ANKFY1: variants seen among roughly 807,000 people sequenced by gnomAD.
ANKFY1 encodes ankyrin repeat and FYVE domain-containing protein 1.
ANKFY1 carries 47 observed loss-of-function variants against 128.3 expected under a neutral mutation model. The observed-to-expected ratio is 0.37, with a 90% CI of 0.29 to 0.47. The LOEUF (loss-of-function observed/expected upper bound fraction) is 0.47, where lower values mean the gene tolerates loss of function less well. Among genes scored for constraint, ANKFY1 ranks in the 20% least tolerant of loss-of-function variants. The probability of loss-of-function intolerance (pLI) is 1.00; values close to 1 mark genes in which losing one functional copy is unlikely to be tolerated. For missense variants in ANKFY1, 1,222 were observed against 1,510.6 expected, an observed-to-expected ratio of 0.81 and a Z score of 3.17; for synonymous variants, 553 against 601.6, an observed-to-expected ratio of 0.92 and a Z score of 1.18.
At chr17:4,263,673 C>T in intron 1 of ANKFY1, 4 of 1,531,812 alleles carry the variant, frequency 2.6e-6, no homozygotes. Flanking sequence ...CACGCAGCAC[C>T]GGCGCGGGAC....
At chr17:4,263,462 G>A in intron 1 of ANKFY1, 1 of 1,213,702 alleles carries the variant, frequency 8.2e-7, no homozygotes, top group African/African-American at 1.6e-5. Flanking sequence ...CTGCTGCCTC[G>A]CCCCCACCCC....
chr17:4,242,500 G>A (rs762291655), intron 1 of ANKFY1, 52 bp from the exon 2 acceptor site: 2 of 1,458,990 alleles, frequency 1.4e-6, no homozygotes, highest in Non-Finnish European at 9.1e-7. Context: ...AAAGCAGGTG[G>A]CATTCACTAA....
In ANKFY1 at chr17:4,181,596, A is replaced by C. The variant is rs1240395221; in HGVS notation, c.2122-224T>G. ...CTAGGTCCTGTGGGACAGACTTGGG[A>C]AGTATAAACAAGTTATGTTTAATTT... On this transcript the variant is annotated intron_variant, in intron 15 of 24. Transcript: ENST00000341657. The surrounding 1 kb of genome is among the most constrained non-coding windows in gnomAD (Gnocchi z 4.9). 2.0e-5 allele frequency among the ~76,000 whole-genome samples: 3 copies of C among 152,208 alleles called. No homozygotes were observed. Among genetic ancestry groups the C allele is most frequent in the Non-Finnish European group, 1.5e-5 (1 of 68,032 alleles).
At position 4,174,917 on chromosome 17, in the gene ANKFY1, C is replaced by T. The variant is rs144773916; in HGVS notation, c.2776-861G>A. Reference sequence around the variant, plus strand: ...AAAAAAAAGAAAAATTCTGTAGAGACAACGTCTTGCTATGTTGCCCAGACT... The same window carrying T: ...AAAAAAAAGAAAAATTCTGTAGAGATAACGTCTTGCTATGTTGCCCAGACT... On this transcript the variant is annotated intron_variant, in intron 19 of 24. Coordinates refer to ENST00000341657, the MANE Select transcript of ANKFY1 (RefSeq NM_001330063.2). 3.5e-3 allele frequency among the ~76,000 whole-genome samples: 525 copies of T among 151,984 alleles called. 7 individuals are homozygous for T. The highest frequency in any genetic ancestry group is 0.012 in the African/African-American group (496 of 41,504).
chr17:4,202,469 C>G (rs1411778585), intron 7 of ANKFY1, among the ~76,000 whole-genome samples: 1 of 150,528 alleles, frequency 6.6e-6, no homozygotes, highest in Non-Finnish European at 1.5e-5. Context: ...GAGGCCGAGA[C>G]GGGCGGATCA....
At chr17:4,204,850 T>A (rs765084375) in intron 7 of ANKFY1, among the ~76,000 whole-genome samples, 1 of 152,148 alleles carries the variant, frequency 6.6e-6, no homozygotes, top group African/African-American at 2.4e-5. Context: ...GCACAGCACA[T>A]AACGGTGCTT....
At position 4,173,538 on chromosome 17, in the gene ANKFY1, ACCCGG is replaced by A. The variant is rs2059360959; in HGVS notation, c.2924-99_2924-95del. 5.8e-6 allele frequency: 7 copies of A among 1,197,228 alleles called. 1 individual carries two copies. In the Admixed American group the frequency reaches 1.1e-4, roughly 19 times the overall value. 74.2% of individuals were successfully genotyped at this position (1,197,228 alleles called of 1,614,324 possible). A position where few individuals can be genotyped will look rare whatever the true frequency, so the allele number is the denominator to read the frequency against. On this transcript the variant is annotated intron_variant, in intron 20 of 24. Coordinates refer to ENST00000341657, the MANE Select transcript of ANKFY1 (RefSeq NM_001330063.2). ...CCTCACAGACCTCTCTGTAAATGGG[ACCCGG>A]CCACAGCAGCGACTGGCCACGCACA...
intron 2 of ANKFY1, among the ~76,000 whole-genome samples, chr17:4,236,418 CA>C (rs1164540326): frequency 6.6e-6 from 1 of 152,196 alleles, no homozygotes; most frequent in Non-Finnish European, 1.5e-5. Context: ...TCACTAGAAA[CA>C]TTCAGTCCTA....
chr17:4,214,821 GA>G (rs995747214), intron 4 of ANKFY1, among the ~76,000 whole-genome samples: 15 of 150,502 alleles, frequency 1.0e-4, no homozygotes, highest in African/African-American at 2.4e-4. Context: ...GTGGATGTGG[GA>G]AAAAAAAATT....
rs762631106 is a variant in ANKFY1 at position 4,178,977 on chromosome 17, G to C, written c.2478C>G (p.Pro826=). 6 of 1,614,164 alleles carry C rather than the reference G, an allele frequency of 3.7e-6. No individual in the cohort carries two copies. Among genetic ancestry groups the C allele is most frequent in the Non-Finnish European group, 5.1e-6 (6 of 1,180,028 alleles). The change falls in exon 18 of 25, where the codon CCC becomes CCG. Residue 826 remains proline, a synonymous_variant. Coordinates refer to ENST00000341657, the MANE Select transcript of ANKFY1 (RefSeq NM_001330063.2). The surrounding 1 kb of genome is among the most constrained non-coding windows in gnomAD (Gnocchi z 4.1). ...GVIIQLLVSH[P]DIHLNVRDRQ... is the part of the protein sequence containing the mutation. ...TGTCTCGTACATTCAAATGGATATC[G>C]GGGTGAGAAACCAACAGCTGAATGA... is the stretch of plus-strand genomic sequence containing the variant.
intron 1 of ANKFY1, among the ~76,000 whole-genome samples, chr17:4,253,280 C>G (rs1463202799): frequency 6.6e-6 from 1 of 152,198 alleles, no homozygotes; most frequent in Non-Finnish European, 1.5e-5. Flanking sequence ...GAAAGCAAAT[C>G]AGTGATTGCC....
At chr17:4,189,621 C>A in intron 10 of ANKFY1, 142 bp from the exon 11 acceptor site, 1 of 729,748 alleles carries the variant, frequency 1.4e-6, no homozygotes, top group East Asian at 2.7e-5. Context: ...AGGCCCACGC[C>A]AGACAGTAGG....
intron 7 of ANKFY1, among the ~76,000 whole-genome samples, chr17:4,204,622 A>G (rs1477171338): frequency 6.6e-6 from 1 of 152,258 alleles, no homozygotes; most frequent in Non-Finnish European, 1.5e-5. Context: ...AGCAATCACC[A>G]AAATATTTAA....
chr17:4,200,529 T>C (rs1171165948), intron 7 of ANKFY1, among the ~76,000 whole-genome samples: 1 of 152,232 alleles, frequency 6.6e-6, no homozygotes, highest in Non-Finnish European at 1.5e-5. Context: ...CACCAAGGTC[T>C]ACAGGATGAA....
chr17:4,184,776 G>A (rs1391489417), intron 12 of ANKFY1, 42 bp downstream of exon 12: 3 of 1,584,868 alleles, frequency 1.9e-6, no homozygotes, highest in Non-Finnish European at 2.6e-6. Context: ...CTAAACTGCT[G>A]TCCCCAAGTC....
At chr17:4,214,374 A>G (rs1353842555) in intron 4 of ANKFY1, among the ~76,000 whole-genome samples, 1 of 152,200 alleles carries the variant, frequency 6.6e-6, no homozygotes, top group Admixed American at 6.5e-5. Flanking sequence ...GGAACACGTA[A>G]TCTTATTTAG....
rs776805854 is a variant in ANKFY1 at position 4,182,369 on chromosome 17, C to A, written c.1953-20G>T. The stretch of plus-strand genomic sequence containing the variant: ...TGAGTCCTGCTAGGACATGCACACC[C>A]AAACCAACGTTTGTGGTTGAACCCA... On this transcript the variant is annotated intron_variant, in intron 14 of 24. Coordinates refer to ENST00000341657, the MANE Select transcript of ANKFY1 (RefSeq NM_001330063.2). The A allele has an allele frequency of 6.6e-6, 10 of 1,506,994 alleles. No individual in the cohort carries two copies. Among genetic ancestry groups the A allele is most frequent in the Non-Finnish European group, 9.0e-6 (10 of 1,114,648 alleles). The allele number at this position is 1,506,994 out of a possible 1,614,324, so 93.4% of individuals were successfully genotyped here.
Position 4,172,693 on chromosome 17 carries a change from G to A in ANKFY1, c.3015-13C>T. ...TGGTGACTGGCCTCTGATAAAACAA[G>A]TTGGAAAAGTTAGGAATGTATCTGC... On this transcript the variant is annotated splice_polypyrimidine_tract_variant and intron_variant, in intron 21 of 24. Transcript: ENST00000341657. 2 of 1,613,318 alleles carry A rather than the reference G, an allele frequency of 1.2e-6. No homozygotes were observed. The highest frequency in any genetic ancestry group is 8.5e-7 in the Non-Finnish European group (1 of 1,179,762).
In ANKFY1 at chr17:4,189,722, C is replaced by T. The variant is rs11649859; in HGVS notation, c.1373-243G>A. ...CAGTAGGCCCACGCCAGACAGTAGGCCCACGCCAGACAGTAGGTCCACGCC... is the reference window on the plus strand; with the variant it reads ...CAGTAGGCCCACGCCAGACAGTAGGTCCACGCCAGACAGTAGGTCCACGCC... On this transcript the variant is annotated intron_variant, in intron 10 of 24. Coordinates refer to ENST00000341657, the MANE Select transcript of ANKFY1 (RefSeq NM_001330063.2). 7.3e-4 allele frequency among the ~76,000 whole-genome samples: 99 copies of T among 134,790 alleles called. 3 individuals carry two copies. Among genetic ancestry groups the T allele is most frequent in the African/African-American group, 2.3e-3 (75 of 32,344 alleles). The allele number at this position is 134,790 out of a possible 152,430, so 88.4% of individuals were successfully genotyped here. A position where few individuals can be genotyped will look rare whatever the true frequency, so the allele number is the denominator to read the frequency against.
Sources: gnomAD v4.1 joint callset for allele counts (sites outside exome capture counted in the v4.1 genomes callset) on GRCh38, gnomAD v4.1.1 for gene constraint, Gnocchi (gnomAD v3.1) non-coding constraint, MANE v1.5 for transcripts, NCBI Gene and HGNC (gene_info 2026-07-23, HGNC 2026-07-21) for gene names.